Variants in OPHN1 observed in about 807,000 individuals in gnomAD.
OPHN1 encodes the protein oligophrenin-1.
Under a neutral mutation model 60.7 loss-of-function variants are expected in OPHN1, and 11 were observed. The ratio of observed to expected loss-of-function variants is 0.18; its 90% confidence interval spans 0.11 to 0.30. The LOEUF (loss-of-function observed/expected upper bound fraction) is 0.30. OPHN1 is among the 10% of genes least tolerant of loss of function. The pLI is 1.00. For synonymous variants in OPHN1, 226 were observed against 222.6 expected, an observed-to-expected ratio of 1.02 and a Z score of -0.14; for missense variants, 449 against 611.0, an observed-to-expected ratio of 0.73 and a Z score of 2.80.
chrX:68,320,578 A>G (rs1288084435), intron 2 of OPHN1, among the ~76,000 whole-genome samples: 1 of 110,342 alleles, frequency 9.1e-6, no homozygotes, highest in Non-Finnish European at 1.9e-5. Flanking sequence ...ACACAGCAAC[A>G]ATCAACATGC....
intron 5 of OPHN1, among the ~76,000 whole-genome samples, chrX:68,265,045 G>A (rs1032671177): frequency 1.8e-5 from 2 of 112,555 alleles, no homozygotes; most frequent in Non-Finnish European, 3.8e-5. Flanking sequence ...CTCAAACTGG[G>A]TGGAGCCCAC....
intron 2 of OPHN1, among the ~76,000 whole-genome samples, chrX:68,373,302 C>T (rs766435815): frequency 6.9e-4 from 77 of 112,287 alleles, no homozygotes; most frequent in South Asian, 1.5e-3. Context: ...AAACCAAGTT[C>T]GACACTTTTA....
At chrX:68,296,647 TAAAA>T (rs751623342) in intron 3 of OPHN1, among the ~76,000 whole-genome samples, 1,631 of 68,400 alleles carry the variant, frequency 0.024, 41 homozygotes, top group African/African-American at 0.071. Context: ...GACTCCATCT[TAAAA>T]AAAAAAAAAA....
chrX:68,378,386 G>A (rs185630000), intron 2 of OPHN1, among the ~76,000 whole-genome samples: 2 of 111,563 alleles, frequency 1.8e-5, no homozygotes, highest in African/African-American at 6.5e-5. Flanking sequence ...TAGGTTGCCT[G>A]TTCAATCTGA....
At chrX:68,279,755 T>C (rs2078011189) in intron 4 of OPHN1, among the ~76,000 whole-genome samples, 1 of 111,112 alleles carries the variant, frequency 9.0e-6, no homozygotes, top group Admixed American at 9.6e-5. Flanking sequence ...TGGAATTAAG[T>C]GGGAAATAGG....
At chrX:68,053,434 G>T (rs1443361066) in intron 22 of OPHN1, among the ~76,000 whole-genome samples, 3 of 111,779 alleles carry the variant, frequency 2.7e-5, no homozygotes, top group Non-Finnish European at 3.8e-5. Flanking sequence ...CAGGTACTAA[G>T]AATCAAAGGT....
At chrX:68,431,652 T>G (rs984083986) in intron 2 of OPHN1, among the ~76,000 whole-genome samples, 2 of 107,162 alleles carry the variant, frequency 1.9e-5, no homozygotes, top group African/African-American at 3.4e-5. Context: ...GGTCTCGAAC[T>G]CCTGATCTCA....
chrX:68,334,751 G>T (rs974338437), intron 2 of OPHN1, among the ~76,000 whole-genome samples: 1 of 110,874 alleles, frequency 9.0e-6, no homozygotes, highest in African/African-American at 3.3e-5. Flanking sequence ...CAAGGTGGAA[G>T]GATCCCTTGA....
At chrX:68,133,294 C>T in intron 15 of OPHN1, 1 of 621,876 alleles carries the variant, frequency 1.6e-6, no homozygotes, top group Non-Finnish European at 2.7e-6. Flanking sequence ...GTGAGTGTGT[C>T]TTAGACTATG....
intron 2 of OPHN1, among the ~76,000 whole-genome samples, chrX:68,380,036 G>A (rs1030014865): frequency 1.8e-5 from 2 of 110,813 alleles, no homozygotes; most frequent in Non-Finnish European, 3.8e-5. Context: ...GGTAGAATTC[G>A]GCTGTGAATC....
intron 5 of OPHN1, among the ~76,000 whole-genome samples, chrX:68,235,700 GA>G (rs2077749790): frequency 9.3e-6 from 1 of 106,989 alleles, no homozygotes; most frequent in Non-Finnish European, 1.9e-5. Context: ...AAAAAAAAGA[GA>G]AAAAAAATTA....
chrX:68,260,635 G>T (rs779645650), intron 5 of OPHN1, among the ~76,000 whole-genome samples: 2 of 111,403 alleles, frequency 1.8e-5, no homozygotes, highest in Non-Finnish European at 3.8e-5. Flanking sequence ...CATAAACCAA[G>T]TACCTAGTAC....
chrX:68,356,722 GTA>G (rs747640008), intron 2 of OPHN1, among the ~76,000 whole-genome samples: 1 of 110,604 alleles, frequency 9.0e-6, no homozygotes. Context: ...CCCTCTTTCT[GTA>G]TATATATATA....
chrX:68,069,403 A>G (rs1345839305), intron 20 of OPHN1, among the ~76,000 whole-genome samples: 1 of 111,719 alleles, frequency 9.0e-6, no homozygotes, highest in Non-Finnish European at 1.9e-5. Context: ...TGTAAAAATG[A>G]GACTATGGAA....
intron 2 of OPHN1, among the ~76,000 whole-genome samples, chrX:68,354,452 C>CA (rs1172935913): frequency 0.027 from 650 of 24,144 alleles, 15 homozygotes; most frequent in African/African-American, 0.049. Flanking sequence ...GACTCCATCT[C>CA]AAAAAAAAAA....
chrX:68,350,214 C>G (rs1193739795), intron 2 of OPHN1, among the ~76,000 whole-genome samples: 1 of 110,964 alleles, frequency 9.0e-6, no homozygotes, highest in Non-Finnish European at 1.9e-5. Context: ...ATCATATGTA[C>G]TTTGAAAATA....
chrX:68,049,460 G>A (rs1774061109), intron 23 of OPHN1, among the ~76,000 whole-genome samples: 1 of 111,363 alleles, frequency 9.0e-6, no homozygotes, highest in African/African-American at 3.3e-5. Flanking sequence ...AATGTAGCAA[G>A]GTCTTATTGA....
At chrX:68,413,980 G>A (rs752442576) in intron 2 of OPHN1, among the ~76,000 whole-genome samples, 33 of 111,445 alleles carry the variant, frequency 3.0e-4, no homozygotes, top group African/African-American at 1.0e-3. Context: ...AGTAGACCAG[G>A]TCCCATTATT....
At chrX:68,225,683 A>G (rs1177381731) in intron 6 of OPHN1, among the ~76,000 whole-genome samples, 1 of 112,357 alleles carries the variant, frequency 8.9e-6, no homozygotes, top group Non-Finnish European at 1.9e-5. Context: ...AGGAAAACTA[A>G]CAAACAGAAA....
Sources: gnomAD v4.1 joint callset for allele counts (sites outside exome capture counted in the v4.1 genomes callset) on GRCh38, gnomAD v4.1.1 for gene constraint, MANE v1.5 for transcripts, NCBI Gene and HGNC (gene_info 2026-07-23, HGNC 2026-07-21) for gene names.